Variants in MEIG1 observed in about 807,000 individuals in gnomAD.
The protein encoded by MEIG1 is meiosis/spermiogenesis associated 1, also known as meiosis expressed gene 1 protein homolog.
In MEIG1, 12 loss-of-function variants were observed where a neutral mutation model predicts 11.3. That is an observed-to-expected ratio of 1.07 (90% confidence interval 0.68 to 1.73). MEIG1 has a LOEUF of 1.73. Ranked by LOEUF, MEIG1 falls within the 40% of genes most tolerant of loss-of-function variation. The probability of loss-of-function intolerance (pLI) is 0.00; values close to 1 mark genes in which losing one functional copy is unlikely to be tolerated. For synonymous variants in MEIG1, 41 were observed against 33.2 expected (o/e 1.24, Z -0.81); for missense variants, 119 against 104.9 (o/e 1.13, Z -0.59).
intron 1 of MEIG1, among the ~76,000 whole-genome samples, chr10:14,980,790 T>G (rs1048501509): frequency 6.6e-6 from 1 of 152,148 alleles, no homozygotes; most frequent in Non-Finnish European, 1.5e-5. Flanking sequence ...GACACCTGAC[T>G]CCGGACCTTC....
intron 1 of MEIG1, among the ~76,000 whole-genome samples, chr10:14,965,354 C>T (rs1843067792): frequency 6.6e-6 from 1 of 152,116 alleles, no homozygotes. Context: ...CTTTGAAAAA[C>T]TTGCTATGGA....
At chr10:14,986,877 G>C in exon 2 of MEIG1, 1 of 466,350 alleles carries the variant, frequency 2.1e-6, no homozygotes, top group Non-Finnish European at 4.0e-6. Flanking sequence ...TCCCAGAGTT[G>C]AGAAGTTGAG....
rs185591002 is a variant in MEIG1 at position 14,972,774 on chromosome 10, A to T, written c.*133A>T. 527 of 869,196 alleles carry T rather than the reference A, an allele frequency of 6.1e-4. 3 individuals are homozygous for T. The African/African-American group carries it at 8.2e-3, about 14-fold the overall frequency. 53.8% of individuals were successfully genotyped at this position (869,196 alleles called of 1,614,324 possible). On this transcript the variant is annotated 3_prime_UTR_variant, in exon 3 of 3. Coordinates refer to ENST00000407572, the MANE Select transcript of MEIG1 (RefSeq NM_001080836.3). The stretch of plus-strand genomic sequence containing the variant: ...TAATGTTTTGTGAAACACAAAAGCC[A>T]TGAGAATTGGTATCTGCTAATCACC...
chr10:14,983,199 G>T (rs12246938), intron 1 of MEIG1, among the ~76,000 whole-genome samples: 2 of 151,816 alleles, frequency 1.3e-5, no homozygotes, highest in Non-Finnish European at 2.9e-5. Flanking sequence ...TCTCCAGGGG[G>T]TGGCGTATGA....
upstream of MEIG1, among the ~76,000 whole-genome samples, chr10:14,958,177 G>T (rs1842970607): frequency 6.6e-6 from 1 of 152,152 alleles, no homozygotes; most frequent in African/African-American, 2.4e-5. Flanking sequence ...TTTTTGTTTT[G>T]GCAGGGAGGT....
chr10:14,987,259 G>A, intron 2 of MEIG1: 1 of 864,610 alleles, frequency 1.2e-6, no homozygotes, highest in South Asian at 1.4e-5. Flanking sequence ...AGAAGTACAT[G>A]GGGGTATGGA....
In MEIG1 at chr10:14,966,584, G is replaced by A. The variant is rs1336421982; in HGVS notation, c.116G>A (p.Arg39Lys). Residue 39 changes from arginine (R) to lysine (K), a missense_variant, in exon 2 of 3, where the codon AGA (arginine) becomes AAA (lysine). Arg to Lys is a conservative substitution (Grantham distance 26). Transcript: ENST00000407572. ...QAGYRDETEY[R>K]QVKQVSMVDR... ...GGATATCGGGATGAAACCGAATATA[G>A]ACAAGTGAAACAAGTTTCTATGGTA... is the stretch of plus-strand genomic sequence containing the variant. The A allele has an allele frequency of 6.2e-7, 1 of 1,610,246 alleles. No homozygotes were observed. Among genetic ancestry groups the A allele is most frequent in the East Asian group, 2.2e-5 (1 of 44,694 alleles).
Position 14,959,544 on chromosome 10 carries a change from A to G in MEIG1, c.-43A>G, listed in dbSNP as rs1039614631. 1.6e-4 allele frequency: 24 copies of G among 152,290 alleles called. No individual in the cohort carries two copies. The highest frequency in any genetic ancestry group is 5.8e-4 in the African/African-American group (24 of 41,442). The allele number at this position is 152,290 out of a possible 1,614,324, so 9.4% of individuals were successfully genotyped here. The stretch of plus-strand genomic sequence containing the variant: ...CGGCGGAACGAGGATAACCCAGTAG[A>G]GCCGGACCCAGGGGTGGGTGGATGC... On this transcript the variant is annotated 5_prime_UTR_variant, in exon 1 of 3. Transcript: ENST00000407572.
At chr10:14,975,806 C>A (rs934102221), downstream of MEIG1, among the ~76,000 whole-genome samples, 2 of 152,094 alleles carry the variant, frequency 1.3e-5, no homozygotes, top group African/African-American at 4.8e-5. Context: ...GACACGCCCC[C>A]AGTGATATTG....
At chr10:14,975,398 C>G (rs566507588), downstream of MEIG1, among the ~76,000 whole-genome samples, 1 of 151,762 alleles carries the variant, frequency 6.6e-6, no homozygotes, top group Non-Finnish European at 1.5e-5. Flanking sequence ...TGATATGACT[C>G]CCAATATGGC....
chr10:14,976,996 T>A (rs1190541232), downstream of MEIG1, among the ~76,000 whole-genome samples: 1 of 152,052 alleles, frequency 6.6e-6, no homozygotes, highest in Non-Finnish European at 1.5e-5. Flanking sequence ...CCACGGGGGA[T>A]GTTACTTCTA....
At chr10:14,978,995 C>T (rs982999496) in intron 1 of MEIG1, among the ~76,000 whole-genome samples, 2 of 151,918 alleles carry the variant, frequency 1.3e-5, no homozygotes, top group African/African-American at 4.8e-5. Context: ...ATTAATGTCA[C>T]CCGGCGTGTA....
At chr10:14,978,782 C>T (rs1357743023) in intron 1 of MEIG1, among the ~76,000 whole-genome samples, 3 of 151,734 alleles carry the variant, frequency 2.0e-5, no homozygotes, top group Admixed American at 6.6e-5. Context: ...AATATCCTAG[C>T]GAGATGTGAC....
chr10:14,979,460 C>T (rs1257132775), intron 1 of MEIG1, among the ~76,000 whole-genome samples: 2 of 151,576 alleles, frequency 1.3e-5, no homozygotes, highest in Non-Finnish European at 2.9e-5. Flanking sequence ...CTAATGTCAC[C>T]ATGTGTGTAC....
chr10:14,985,082 A>C (rs1429532221), intron 1 of MEIG1, among the ~76,000 whole-genome samples: 1 of 151,954 alleles, frequency 6.6e-6, no homozygotes, highest in South Asian at 2.1e-4. Context: ...ATTCTCTGAC[A>C]TTATTCGTTA....
At chr10:14,983,172 T>C (rs1843282456) in intron 1 of MEIG1, among the ~76,000 whole-genome samples, 1 of 152,132 alleles carries the variant, frequency 6.6e-6, no homozygotes, top group South Asian at 2.1e-4. Context: ...CACCCGGTGA[T>C]ATTGATCCGA....
chr10:14,966,165 G>A (rs1254698321), intron 1 of MEIG1, among the ~76,000 whole-genome samples: 1 of 150,776 alleles, frequency 6.6e-6, no homozygotes, highest in East Asian at 2.0e-4. Flanking sequence ...CTGGGTTCAA[G>A]CCATTCTCCT....
upstream of MEIG1, among the ~76,000 whole-genome samples, chr10:14,955,419 T>A (rs1038397323): frequency 1.3e-5 from 2 of 152,056 alleles, no homozygotes; most frequent in African/African-American, 2.4e-5. Context: ...CAGAATGCCA[T>A]CCCAGCCCAC....
At chr10:14,986,053 A>G (rs1201872051) in intron 1 of MEIG1, among the ~76,000 whole-genome samples, 1 of 152,140 alleles carries the variant, frequency 6.6e-6, no homozygotes, top group South Asian at 2.1e-4. Flanking sequence ...CCATGTGTGT[A>G]TACTCTGTGA....
Sources: gnomAD v4.1 joint callset for allele counts (sites outside exome capture counted in the v4.1 genomes callset) on GRCh38, gnomAD v4.1.1 for gene constraint, MANE v1.5 for transcripts, NCBI Gene and HGNC (gene_info 2026-07-23, HGNC 2026-07-21) for gene names.